Variants in TSPAN13 observed in about 807,000 individuals in gnomAD.
TSPAN13 encodes the protein tetraspanin-13.
In TSPAN13, 18 loss-of-function variants were observed where a neutral mutation model predicts 26.9. The ratio of observed to expected loss-of-function variants is 0.67; its 90% CI spans 0.46 to 0.99. The LOEUF is 0.99. Among genes scored for constraint, TSPAN13 ranks in the 50% least tolerant of loss-of-function variants. The pLI is 0.00. For synonymous variants in TSPAN13, 116 were observed against 98.4 expected (o/e 1.18, Z -1.06); for missense variants, 201 against 249.6 (o/e 0.81, Z 1.31).
chr7:16,773,314 A>T (rs1784703959), intron 1 of TSPAN13, among the ~76,000 whole-genome samples: 1 of 150,882 alleles, frequency 6.6e-6, no homozygotes, highest in Non-Finnish European at 1.5e-5. Context: ...GCTAACTTAG[A>T]ATGGTTTCAC....
chr7:16,776,015 G>A, intron 1 of TSPAN13, 196 bp from the exon 2 acceptor site: 1 of 457,584 alleles, frequency 2.2e-6, no homozygotes, highest in Non-Finnish European at 3.8e-6. Flanking sequence ...AAGCACGCCT[G>A]GGGATTAATG....
intron 4 of TSPAN13, 100 bp downstream of exon 4, chr7:16,778,011 G>T (rs1784772768): frequency 3.6e-6 from 3 of 841,580 alleles, no homozygotes; most frequent in African/African-American, 1.7e-5. Flanking sequence ...TGTATTTTCA[G>T]GATTATTTTA....
chr7:16,772,067 T>C (rs1007053522), intron 1 of TSPAN13, among the ~76,000 whole-genome samples: 1 of 152,246 alleles, frequency 6.6e-6, no homozygotes, highest in East Asian at 1.9e-4. Flanking sequence ...ATCTTTTCTT[T>C]ACATTTACAT....
chr7:16,767,166 T>A (rs1784613712), intron 1 of TSPAN13, among the ~76,000 whole-genome samples: 1 of 152,186 alleles, frequency 6.6e-6, no homozygotes, highest in South Asian at 2.1e-4. Flanking sequence ...AACTCTCCAG[T>A]CCCTTTCCCA....
intron 1 of TSPAN13, among the ~76,000 whole-genome samples, chr7:16,760,808 G>T (rs55802535): frequency 0.29 from 44,568 of 152,066 alleles, 7,157 homozygotes; most frequent in Admixed American, 0.36. Context: ...ACCGAGAGTT[G>T]GTTCTCGAAT....
chr7:16,768,704 A>G (rs1025850145), intron 1 of TSPAN13, among the ~76,000 whole-genome samples: 1 of 152,174 alleles, frequency 6.6e-6, no homozygotes, highest in Non-Finnish European at 1.5e-5. Context: ...GATTAATAAT[A>G]TCAGTTTTCA....
At chr7:16,769,599 G>A (rs1784651187) in intron 1 of TSPAN13, among the ~76,000 whole-genome samples, 1 of 152,074 alleles carries the variant, frequency 6.6e-6, no homozygotes, top group Non-Finnish European at 1.5e-5. Flanking sequence ...TGGTGCATCA[G>A]CATGTTGTTG....
At chr7:16,777,248 C>T in intron 3 of TSPAN13, 126 bp downstream of exon 3, 1 of 661,118 alleles carries the variant, frequency 1.5e-6, no homozygotes, top group Non-Finnish European at 2.6e-6. Flanking sequence ...CTCTGGATAG[C>T]AAAACTCTCT....
intron 5 of TSPAN13, among the ~76,000 whole-genome samples, chr7:16,782,598 A>G (rs1007348225): frequency 6.6e-6 from 1 of 152,230 alleles, no homozygotes; most frequent in African/African-American, 2.4e-5. Flanking sequence ...CAATTTAGCG[A>G]ACTTGGTGCG....
At chr7:16,755,746 T>A (rs897845845) in intron 1 of TSPAN13, among the ~76,000 whole-genome samples, 4 of 152,132 alleles carry the variant, frequency 2.6e-5, no homozygotes, top group African/African-American at 9.7e-5. Flanking sequence ...ATGTATAATC[T>A]TTTTTAAAAA....
intron 1 of TSPAN13, chr7:16,775,915 A>G (rs1327007655): frequency 7.7e-6 from 2 of 261,124 alleles, no homozygotes; most frequent in Non-Finnish European, 1.4e-5. Flanking sequence ...CTTCAGTAGC[A>G]TGCATTTAGG....
At chr7:16,782,550 A>T (rs941637177) in intron 5 of TSPAN13, among the ~76,000 whole-genome samples, 1 of 152,196 alleles carries the variant, frequency 6.6e-6, no homozygotes, top group African/African-American at 2.4e-5. Flanking sequence ...ACAGAAACAG[A>T]GCACACATTT....
chr7:16,773,261 G>A (rs1351343963), intron 1 of TSPAN13, among the ~76,000 whole-genome samples: 1 of 150,344 alleles, frequency 6.7e-6, no homozygotes, highest in Non-Finnish European at 1.5e-5. Flanking sequence ...GAAAACTACA[G>A]CCCACAGCCA....
chr7:16,778,849 T>G (rs1047303949), intron 4 of TSPAN13, among the ~76,000 whole-genome samples, 154 bp from the exon 5 acceptor site: 4 of 151,676 alleles, frequency 2.6e-5, no homozygotes, highest in African/African-American at 9.7e-5. Context: ...AGGGTGGGAG[T>G]CTTGGGGGCT....
intron 1 of TSPAN13, among the ~76,000 whole-genome samples, chr7:16,757,211 A>G (rs1462436823): frequency 2.0e-5 from 3 of 152,206 alleles, no homozygotes; most frequent in East Asian, 1.9e-4. Context: ...GTGTGATTGA[A>G]TCAAGGAAAT....
At position 16,766,165 on chromosome 7, in the gene TSPAN13, A is replaced by G. The variant is rs527990696; in HGVS notation, c.64-10046A>G. Among the ~76,000 whole-genome samples, 59 of 152,360 alleles carry G rather than the reference A, an allele frequency of 3.9e-4. 1 individual carries two copies. Among genetic ancestry groups the G allele is most frequent in the Admixed American group, 3.7e-3 (57 of 15,302 alleles). On this transcript the variant is annotated intron_variant, in intron 1 of 5. Transcript: ENST00000262067. ...CTTGGGTATTTGGGGGATTTTTAAA[A>G]TAATGTGTTAGAAACACCAGTCATA...
chr7:16,772,428 A>C (rs2115331790), intron 1 of TSPAN13, among the ~76,000 whole-genome samples: 1 of 152,310 alleles, frequency 6.6e-6, no homozygotes, highest in African/African-American at 2.4e-5. Context: ...TCCAAAATCA[A>C]GGTGTCCACA....
At position 16,783,544 on chromosome 7, in the gene TSPAN13, A is replaced by C. The variant is rs3807498; in HGVS notation, c.*53A>C. ...TATTATGATCTTGTTCACTTTCTGT[A>C]ATTTTCTGTTAAGCTCCATTTGCCA... On this transcript the variant is annotated 3_prime_UTR_variant, in exon 6 of 6. Coordinates refer to ENST00000262067, the MANE Select transcript of TSPAN13 (RefSeq NM_014399.4). 142,384 of 1,558,648 alleles carry C rather than the reference A, an allele frequency of 0.091. 7,078 individuals are homozygous for C. Among genetic ancestry groups the C allele is most frequent in the East Asian group, 0.15 (6,535 of 44,630 alleles).
intron 1 of TSPAN13, among the ~76,000 whole-genome samples, chr7:16,773,073 G>T (rs1026139896): frequency 1.2e-4 from 18 of 151,534 alleles, no homozygotes; most frequent in Admixed American, 9.9e-4. Flanking sequence ...ATTCACAGAG[G>T]GGTCAGCTGG....
Sources: gnomAD v4.1 joint callset for allele counts (sites outside exome capture counted in the v4.1 genomes callset) on GRCh38, gnomAD v4.1.1 for gene constraint, MANE v1.5 for transcripts, NCBI Gene and HGNC (gene_info 2026-07-23, HGNC 2026-07-21) for gene names.